IKZF1: variants seen among roughly 807,000 people sequenced by gnomAD.
The protein encoded by IKZF1 is IKAROS family zinc finger 1.
In IKZF1, 10 loss-of-function variants were observed where a neutral mutation model predicts 51.7. That is an observed-to-expected ratio of 0.19 (90% CI 0.12 to 0.33). The LOEUF is 0.33. Among genes scored for constraint, IKZF1 ranks in the 10% least tolerant of loss-of-function variants. The probability of loss-of-function intolerance (pLI) is 1.00; values close to 1 mark genes in which losing one functional copy is unlikely to be tolerated. For synonymous variants in IKZF1, 280 were observed against 282.3 expected (o/e 0.99, Z 0.08); for missense variants, 484 against 707.5 (o/e 0.68, Z 3.58).
chr7:50,326,109 A>G (rs1248711915), intron 2 of IKZF1, among the ~76,000 whole-genome samples: 1 of 152,248 alleles, frequency 6.6e-6, no homozygotes, highest in African/African-American at 2.4e-5. Flanking sequence ...TAAATATTCC[A>G]GGAAGGGTTG....
Position 50,343,538 on chromosome 7 carries a change from A to T in IKZF1, c.160+15781A>T, listed in dbSNP as rs557027864. 2.0e-5 allele frequency among the ~76,000 whole-genome samples: 3 copies of T among 152,320 alleles called. No homozygotes were observed. The East Asian group carries it at 5.8e-4, about 29-fold the overall frequency. The stretch of plus-strand genomic sequence containing the variant: ...ATCTCTTGCATTTTCCTGATCATTA[A>T]ATGAATTAGGGATTTCCTGGTTTGA... On this transcript the variant is annotated intron_variant, in intron 3 of 7. Coordinates refer to ENST00000331340, the MANE Select transcript of IKZF1 (RefSeq NM_006060.6).
chr7:50,399,943 C>G lies in IKZF1; in HGVS notation c.876C>G (p.Pro292=), dbSNP rs770186190. 1.2e-6 allele frequency: 2 copies of G among 1,613,204 alleles called. No homozygotes were observed. The highest frequency in any genetic ancestry group is 1.7e-5 in the Admixed American group (1 of 59,962). The change falls in exon 8 of 8, where the codon CCC becomes CCG. Residue 292 remains proline (P), a synonymous_variant. Transcript: ENST00000331340. The stretch of plus-strand genomic sequence containing the variant: ...GGGACAAGGGCCTGTCCGACACGCC[C>G]TACGACAGCAGCGCCAGCTACGAGA... ...FLGDKGLSDT[P]YDSSASYEKE...
At chr7:50,315,776 ACTC>A (rs1321793498) in intron 1 of IKZF1, among the ~76,000 whole-genome samples, 2 of 151,940 alleles carry the variant, frequency 1.3e-5, no homozygotes, top group African/African-American at 4.8e-5. Context: ...TTTGTGATTA[ACTC>A]CTTTTACTGA....
At position 50,402,989 on chromosome 7, in the gene IKZF1, T is replaced by C; in HGVS notation, c.*2362T>C. 1 of 226,382 alleles carries C rather than the reference T, an allele frequency of 4.4e-6. No homozygotes were observed. Among genetic ancestry groups the C allele is most frequent in the African/African-American group, 2.2e-5 (1 of 45,052 alleles). The allele number at this position is 226,382 out of a possible 1,614,324, so 14.0% of individuals were successfully genotyped here. On this transcript the variant is annotated 3_prime_UTR_variant, in exon 8 of 8. Transcript: ENST00000331340. ...CACCTACTCTGTTCTTTTCCATCCA[T>C]CCCCCTGAGTCAGTTGGTTGAAGGG...
upstream of IKZF1, chr7:50,304,503 CGGGGGCGGCCGGCGCGGA>C (rs1384299836): frequency 1.3e-5 from 2 of 149,634 alleles, no homozygotes; most frequent in African/African-American, 4.9e-5. Context: ...AAGGGCGCGG[CGGGGGCGGCCGGCGCGGA>C]GGGGGCCAGG....
At chr7:50,363,043 G>A (rs1248005587) in intron 3 of IKZF1, among the ~76,000 whole-genome samples, 1 of 152,202 alleles carries the variant, frequency 6.6e-6, no homozygotes, top group African/African-American at 2.4e-5. Flanking sequence ...ATTTGGCCAT[G>A]AGAGGCAAGG....
chr7:50,386,799 A>G (rs575162481), intron 5 of IKZF1, among the ~76,000 whole-genome samples: 1 of 152,332 alleles, frequency 6.6e-6, no homozygotes, highest in East Asian at 1.9e-4. Flanking sequence ...TGTGCAATAA[A>G]ACGCTTATTT....
intron 3 of IKZF1, among the ~76,000 whole-genome samples, chr7:50,358,649 C>A (rs895954060): frequency 6.6e-6 from 1 of 152,212 alleles, no homozygotes; most frequent in African/African-American, 2.4e-5. Flanking sequence ...CAGGGTGCTG[C>A]AGCCAATGCT....
At chr7:50,373,872 C>T (rs1809462194) in intron 3 of IKZF1, among the ~76,000 whole-genome samples, 1 of 152,172 alleles carries the variant, frequency 6.6e-6, no homozygotes, top group African/African-American at 2.4e-5. Flanking sequence ...CACTTGCCTG[C>T]CTATCTCCTT....
intron 3 of IKZF1, among the ~76,000 whole-genome samples, chr7:50,341,917 C>G (rs1344124764): frequency 6.6e-6 from 1 of 150,956 alleles, no homozygotes; most frequent in African/African-American, 2.4e-5. Flanking sequence ...TAGGGGTTAC[C>G]TATTGGACAG....
chr7:50,386,895 T>A (rs1813526889), intron 5 of IKZF1, among the ~76,000 whole-genome samples: 1 of 152,240 alleles, frequency 6.6e-6, no homozygotes, highest in South Asian at 2.1e-4. Flanking sequence ...TCTGGCTGTG[T>A]TAGATGTAGC....
intron 7 of IKZF1, among the ~76,000 whole-genome samples, chr7:50,394,939 T>C (rs10235796): frequency 0.81 from 123,806 of 152,146 alleles, 50,545 homozygotes; most frequent in Admixed American, 0.85. Context: ...CTGTCTGGTG[T>C]TTGACTTGGG....
chr7:50,306,045 A>G (rs1034849037), intron 1 of IKZF1, among the ~76,000 whole-genome samples: 1 of 152,222 alleles, frequency 6.6e-6, no homozygotes, highest in Non-Finnish European at 1.5e-5. Flanking sequence ...AGTATTATTT[A>G]TATTAGAATG....
At chr7:50,309,865 C>T (rs1197597240) in intron 1 of IKZF1, among the ~76,000 whole-genome samples, 5 of 152,004 alleles carry the variant, frequency 3.3e-5, no homozygotes, top group African/African-American at 1.2e-4. Context: ...AGGAATTGAC[C>T]TTTTGTAAGC....
At chr7:50,378,178 T>A (rs1230696737) in intron 4 of IKZF1, among the ~76,000 whole-genome samples, 1 of 152,260 alleles carries the variant, frequency 6.6e-6, no homozygotes, top group African/African-American at 2.4e-5. Context: ...AATGATCTAT[T>A]CCATTTGTAG....
intron 3 of IKZF1, among the ~76,000 whole-genome samples, chr7:50,370,779 T>A (rs373916158): frequency 2.0e-5 from 3 of 152,318 alleles, no homozygotes; most frequent in East Asian, 1.9e-4. Context: ...CCATTTCATG[T>A]TCTATATTTA....
chr7:50,353,577 C>T (rs1477062697), intron 3 of IKZF1, among the ~76,000 whole-genome samples: 1 of 152,214 alleles, frequency 6.6e-6, no homozygotes, highest in Admixed American at 6.5e-5. Context: ...CAGGAGAGGA[C>T]ATCCTGGCCG....
intron 3 of IKZF1, chr7:50,368,066 G>T (rs1346333173): frequency 2.8e-6 from 2 of 702,820 alleles, no homozygotes; most frequent in Admixed American, 2.0e-5. Context: ...TCTTTCTCTC[G>T]TAAGTATATG....
intron 7 of IKZF1, among the ~76,000 whole-genome samples, chr7:50,399,503 T>C (rs1007522616): frequency 6.6e-6 from 1 of 151,468 alleles, no homozygotes; most frequent in African/African-American, 2.4e-5. Context: ...AATAAATGTA[T>C]AGTAAGTTAG....
Sources: gnomAD v4.1 joint callset for allele counts (sites outside exome capture counted in the v4.1 genomes callset) on GRCh38, gnomAD v4.1.1 for gene constraint, MANE v1.5 for transcripts, NCBI Gene and HGNC (gene_info 2026-07-23, HGNC 2026-07-21) for gene names.